The following IFT140 variants were observed in gnomAD, a reference collection of about 807,000 sequenced individuals.
IFT140 encodes the protein intraflagellar transport 140, also known as intraflagellar transport protein 140 homolog.
Under a neutral mutation model 164.6 loss-of-function variants are expected in IFT140, and 133 were observed. The observed-to-expected ratio is 0.81, with a 90% CI of 0.70 to 0.93. IFT140 has a LOEUF of 0.93. Ranked by LOEUF, IFT140 falls within the 40% of genes least tolerant of loss-of-function variation. The pLI, the probability that IFT140 is intolerant of heterozygous loss-of-function variation, is 0.00. For missense variants in IFT140, 2,045 were observed against 1,972.3 expected (o/e 1.04, Z -0.70); for synonymous variants, 860 against 817.3 (o/e 1.05, Z -0.89).
At chr16:1,511,742 T>A (rs2040164951) in intron 30 of IFT140, among the ~76,000 whole-genome samples, 1 of 151,220 alleles carries the variant, frequency 6.6e-6, no homozygotes, top group South Asian at 2.1e-4. Context: ...AACGAGAGGC[T>A]GAGGGCAAAC....
In IFT140 at chr16:1,607,287, A is replaced by G. The variant is rs993718392; in HGVS notation, c.-21T>C. 8 of 1,599,362 alleles carry G rather than the reference A, an allele frequency of 5.0e-6. No individual in the cohort carries two copies. The African/African-American group carries it at 9.5e-5, about 19-fold the overall frequency. On this transcript the variant is annotated 5_prime_UTR_variant, in exon 3 of 31. Transcript: ENST00000426508. ...GCCATGACGGAACTCAGGCCTCCTC[A>G]GCGCTGAAACCTGCAGGGAAAAAAA...
At position 1,526,753 on chromosome 16, in the gene IFT140, G is replaced by T; in HGVS notation, c.2443C>A (p.Gln815Lys). Residue 815 changes from glutamine to lysine, a missense_variant, in exon 20 of 31, where the codon CAG becomes AAG. Transcript: ENST00000426508. Reference protein sequence around the residue: ...ENMARMCVKTQRLDVAKVCLG... With the variant: ...ENMARMCVKTKRLDVAKVCLG... ...CACACCTTGGCCACGTCCAGCCGCT[G>T]GGTCTTCACGCACATGCGCGCCATG... The T allele has an allele frequency of 6.2e-7, 1 of 1,610,410 alleles. No homozygotes were observed.
Position 1,523,880 on chromosome 16 carries a change from T to C in IFT140, c.3218A>G (p.Tyr1073Cys), listed in dbSNP as rs777230794. ...CATCTGCACGCCCTTCTCCTCGTAGTATCGGGCCGCCTCGATCATGTCCTC... is the reference window on the plus strand; with the variant it reads ...CATCTGCACGCCCTTCTCCTCGTAGCATCGGGCCGCCTCGATCATGTCCTC... ...SPEDMIEAARYYEEKGVQMDR... is the reference protein window; with the variant it reads ...SPEDMIEAARCYEEKGVQMDR... Residue 1073 changes from tyrosine to cysteine, a missense_variant, in exon 25 of 31, where the codon TAC (tyrosine) becomes TGC (cysteine). Physicochemically the swap from Tyr to Cys is radical, Grantham distance 194. Transcript: ENST00000426508. The C allele has an allele frequency of 6.8e-6, 11 of 1,613,618 alleles. No individual in the cohort carries two copies. Among genetic ancestry groups the C allele is most frequent in the Non-Finnish European group, 9.3e-6 (11 of 1,180,028 alleles).
intron 9 of IFT140, among the ~76,000 whole-genome samples, chr16:1,586,760 G>A (rs1205248153): frequency 6.6e-6 from 1 of 152,238 alleles, no homozygotes; most frequent in Non-Finnish European, 1.5e-5. Flanking sequence ...AGACTGGAGT[G>A]CACTGGCACC....
At chr16:1,542,727 G>A (rs953680273) in intron 19 of IFT140, among the ~76,000 whole-genome samples, 2 of 152,370 alleles carry the variant, frequency 1.3e-5, no homozygotes, top group South Asian at 4.1e-4. Flanking sequence ...TGCCTGGCTC[G>A]GACACTGATG....
At position 1,584,247 on chromosome 16, in the gene IFT140, G is replaced by A; in HGVS notation, c.1329C>T (p.Asp443=). The A allele has an allele frequency of 6.2e-7, 1 of 1,613,828 alleles. No homozygotes were observed. The highest frequency in any genetic ancestry group is 1.1e-5 in the South Asian group (1 of 91,060). The part of the protein sequence containing the change: ...STGVAHSLRT[D]MHISGVFATK... ...TGGCAAACACTCCACTGATGTGCAT[G>A]TCGGTGCGCAGGCTGTGTGCGACCC... Residue 443 remains aspartate (D), a synonymous_variant, in exon 11 of 31, where the codon GAC becomes GAT. Coordinates refer to ENST00000426508, the MANE Select transcript of IFT140 (RefSeq NM_014714.4).
At chr16:1,558,860 T>C (rs1202352236) in intron 18 of IFT140, among the ~76,000 whole-genome samples, 1 of 152,206 alleles carries the variant, frequency 6.6e-6, no homozygotes, top group Non-Finnish European at 1.5e-5. Flanking sequence ...TGCTATTCTG[T>C]GACTTCCTGA....
intron 19 of IFT140, among the ~76,000 whole-genome samples, chr16:1,550,588 C>T (rs984265406): frequency 2.6e-5 from 4 of 152,240 alleles, no homozygotes; most frequent in Non-Finnish European, 5.9e-5. Context: ...GGTGGCTCCA[C>T]ACTGCTAGGG....
chr16:1,534,251 A>C (rs763219370), intron 19 of IFT140: 2 of 1,607,164 alleles, frequency 1.2e-6, no homozygotes, highest in Admixed American at 1.7e-5. Flanking sequence ...CTTTCTCCGG[A>C]TAAGCGGCGG....
Position 1,533,797 on chromosome 16 carries a change from G to A in IFT140, c.2400-7001C>T, listed in dbSNP as rs1245286592. On this transcript the variant is annotated intron_variant, in intron 19 of 30. Transcript: ENST00000426508. The surrounding 1 kb of genome is among the most constrained non-coding windows in gnomAD (Gnocchi z 4.7). ...ACACAGGGGCCCAGGCAGCACAGAG[G>A]AGCTGTGAACCCGCTCCACACCGGC... 4 of 206,742 alleles carry A rather than the reference G, an allele frequency of 1.9e-5. No individual in the cohort carries two copies. Among genetic ancestry groups the A allele is most frequent in the South Asian group, 1.5e-4 (2 of 13,162 alleles). The allele number at this position is 206,742 out of a possible 1,614,324, so 12.8% of individuals were successfully genotyped here. A position where few individuals can be genotyped will look rare whatever the true frequency, so the allele number is the denominator to read the frequency against.
chr16:1,611,652 T>TA (rs2036321730), intron 1 of IFT140, among the ~76,000 whole-genome samples: 2 of 151,470 alleles, frequency 1.3e-5, no homozygotes, highest in Admixed American at 1.3e-4. Context: ...CCGTATGTAC[T>TA]AAAAACACAC....
chr16:1,566,385 G>A (rs1395816780), intron 15 of IFT140, 94 bp from the exon 16 acceptor site: 3 of 1,226,864 alleles, frequency 2.4e-6, no homozygotes, highest in Non-Finnish European at 3.5e-6. Context: ...CATGTCAAGA[G>A]AAACACACCC....
chr16:1,525,061 G>T, intron 22 of IFT140, 145 bp from the exon 23 acceptor site: 1 of 1,323,370 alleles, frequency 7.6e-7, no homozygotes, highest in Non-Finnish European at 1.0e-6. Flanking sequence ...CCCTGGCTTT[G>T]TCCAAAGGGA....
At chr16:1,593,878 C>T (rs1203533248) in intron 4 of IFT140, among the ~76,000 whole-genome samples, 2 of 152,302 alleles carry the variant, frequency 1.3e-5, no homozygotes, top group East Asian at 1.9e-4. Flanking sequence ...AGAAGTCACT[C>T]TCTGCAGCCT....
rs2040593736 is a variant in IFT140, at chr16:1,523,825, C to CA, written c.3270+2dup. On this transcript the variant is annotated splice_region_variant and intron_variant, in intron 25 of 30. Coordinates refer to ENST00000426508, the MANE Select transcript of IFT140 (RefSeq NM_014714.4). The stretch of plus-strand genomic sequence containing the variant: ...CAGGTCCCCACCGGTGGCCAGCCCT[C>CA]ACCTTGTGGTACAGCATGACCGCCC... 2 of 1,612,474 alleles carry CA rather than the reference C, an allele frequency of 1.2e-6. No homozygotes were observed. Among genetic ancestry groups the CA allele is most frequent in the Non-Finnish European group, 1.7e-6 (2 of 1,179,870 alleles).
In IFT140 at chr16:1,524,805, G is replaced by C. The variant is rs770284479; in HGVS notation, c.2976C>G (p.Cys992Trp). The change falls in exon 23 of 31, where the codon TGC (cysteine) becomes TGG (tryptophan). Residue 992 changes from cysteine to tryptophan, a missense_variant. Transcript: ENST00000426508. ...RDHFSLVRIH[C>W]FQGNVQKAAQ... The stretch of plus-strand genomic sequence containing the variant: ...TTACCTTCTGGACATTGCCCTGGAA[G>C]CAGTGGATGCGGACCAGGGAGAAGT... 1.2e-6 allele frequency: 2 copies of C among 1,610,460 alleles called. No homozygotes were observed. Among genetic ancestry groups the C allele is most frequent in the South Asian group, 2.2e-5 (2 of 91,022 alleles).
chr16:1,515,513 C>T (rs1021168467), intron 30 of IFT140, among the ~76,000 whole-genome samples: 3 of 152,066 alleles, frequency 2.0e-5, no homozygotes, highest in East Asian at 1.9e-4. Context: ...CTCAAGCAGT[C>T]CTCCCACCTC....
In IFT140 at chr16:1,525,923, A is replaced by G; in HGVS notation, c.2732T>C (p.Leu911Pro). The change falls in exon 21 of 31, where the codon CTG becomes CCG. Residue 911 changes from leucine to proline, a missense_variant. Physicochemically the swap from Leu to Pro is moderately conservative, Grantham distance 98 (BLOSUM62 -3). Transcript: ENST00000426508. ...RSTYHRYAGH[L>P]EASADCSRAL... is the part of the protein sequence containing the mutation. ...CCGGCTGCAGTCGGCGCTGGCCTCC[A>G]GGTGCCCGGCATAGCGGTGGTAGGT... 1 of 1,567,104 alleles carries G rather than the reference A, an allele frequency of 6.4e-7. No homozygotes were observed. The highest frequency in any genetic ancestry group is 8.6e-7 in the Non-Finnish European group (1 of 1,157,792).
chr16:1,512,660 G>A (rs531584980), intron 30 of IFT140, among the ~76,000 whole-genome samples: 5 of 152,270 alleles, frequency 3.3e-5, no homozygotes, highest in East Asian at 1.9e-4. Flanking sequence ...TAGAAACCCC[G>A]TTGGAGCAGG....
Sources: allele counts gnomAD v4.1 joint callset (sites outside exome capture counted in the v4.1 genomes callset), GRCh38; gene constraint gnomAD v4.1.1; non-coding constraint Gnocchi (gnomAD v3.1); transcripts MANE v1.5; gene names NCBI Gene and HGNC (gene_info 2026-07-23, HGNC 2026-07-21).